TTC7B: variants seen among roughly 807,000 people sequenced by gnomAD.
The protein encoded by TTC7B is tetratricopeptide repeat protein 7B.
In TTC7B, 28 loss-of-function variants were observed where a neutral mutation model predicts 106.8. The observed-to-expected ratio is 0.26, with a 90% confidence interval of 0.19 to 0.36. The LOEUF (loss-of-function observed/expected upper bound fraction) is 0.36. TTC7B is among the 10% of genes least tolerant of loss of function. TTC7B has a pLI of 1.00. For missense variants in TTC7B, 862 were observed against 1,076.4 expected (o/e 0.80, Z 2.79); for synonymous variants, 405 against 430.6 (o/e 0.94, Z 0.74).
At chr14:90,814,615 T>G (rs8017072) in intron 1 of TTC7B, among the ~76,000 whole-genome samples, 48,770 of 151,980 alleles carry the variant, frequency 0.32, 8,261 homozygotes, top group Non-Finnish European at 0.36. Context: ...CATTTAATCC[T>G]AAAATCAACC....
chr14:90,616,393 A>G (rs1893074108), intron 16 of TTC7B, among the ~76,000 whole-genome samples: 1 of 152,254 alleles, frequency 6.6e-6, no homozygotes, highest in African/African-American at 2.4e-5. Context: ...TTGAGAACAT[A>G]TCCACAAAAG....
chr14:90,794,516 G>A (rs764080747), intron 1 of TTC7B, among the ~76,000 whole-genome samples: 18 of 152,010 alleles, frequency 1.2e-4, no homozygotes, highest in Admixed American at 2.0e-4. Flanking sequence ...ATGAGCCACC[G>A]CACCCAGCCC....
At chr14:90,679,985 A>G (rs1886988025) in intron 8 of TTC7B, among the ~76,000 whole-genome samples, 2 of 152,364 alleles carry the variant, frequency 1.3e-5, no homozygotes, top group African/African-American at 4.8e-5. Context: ...CAACAAGGGC[A>G]GGAGGATGAG....
intron 9 of TTC7B, among the ~76,000 whole-genome samples, chr14:90,669,655 G>A (rs996321541): frequency 3.3e-5 from 5 of 151,974 alleles, no homozygotes; most frequent in Admixed American, 1.3e-4. Flanking sequence ...ATATACAAAT[G>A]GCCAATAAGC....
chr14:90,609,373 C>T (rs890696557), intron 17 of TTC7B, among the ~76,000 whole-genome samples: 1 of 152,220 alleles, frequency 6.6e-6, no homozygotes, highest in African/African-American at 2.4e-5. Context: ...GATCTGATTT[C>T]TCAAGCTGAC....
At chr14:90,811,043 AG>A (rs1337713508) in intron 1 of TTC7B, among the ~76,000 whole-genome samples, 1 of 152,308 alleles carries the variant, frequency 6.6e-6, no homozygotes, top group African/African-American at 2.4e-5. Flanking sequence ...CGAGCTGCAC[AG>A]CCCCAGCCCC....
chr14:90,793,605 CTTTTTTTCTT>C (rs1055831706), intron 1 of TTC7B, among the ~76,000 whole-genome samples: 11 of 105,688 alleles, frequency 1.0e-4, no homozygotes, highest in South Asian at 8.9e-4. Flanking sequence ...TTGTTTTTTT[CTTTTTTTCTT>C]TTTTTTTTTT....
intron 5 of TTC7B, among the ~76,000 whole-genome samples, chr14:90,696,600 T>C (rs1887758951): frequency 1.3e-5 from 2 of 152,198 alleles, no homozygotes; most frequent in South Asian, 4.1e-4. Flanking sequence ...GTGGGTTCTG[T>C]AAGTTACAAG....
intron 19 of TTC7B, among the ~76,000 whole-genome samples, chr14:90,547,149 C>T (rs1222587821): frequency 6.6e-6 from 1 of 152,226 alleles, no homozygotes; most frequent in African/African-American, 2.4e-5. Flanking sequence ...TTATTAGTCC[C>T]TTTCTTCAGA....
chr14:90,755,689 A>C (rs907308279), intron 3 of TTC7B, among the ~76,000 whole-genome samples: 1 of 151,094 alleles, frequency 6.6e-6, no homozygotes, highest in Non-Finnish European at 1.5e-5. Context: ...ACAAACAAAA[A>C]AAAAAAACAA....
In TTC7B at chr14:90,570,183, G is replaced by T. The variant is rs1890976123; in HGVS notation, c.2310+7923C>A. ...TACAGCCTAGCAGGGCCTCCCTGAG[G>T]TCTGGCTTGTAATACACTGACATCC... On this transcript the variant is annotated intron_variant, in intron 19 of 19. Transcript: ENST00000328459. The surrounding 1 kb of genome is among the most constrained non-coding windows in gnomAD (Gnocchi z 4.0). 6.6e-6 allele frequency among the ~76,000 whole-genome samples: 1 copy of T among 152,200 alleles called. No individual in the cohort carries two copies. Among genetic ancestry groups the T allele is most frequent in the African/African-American group, 2.4e-5 (1 of 41,442 alleles).
Position 90,529,571 on chromosome 14 carries a change from C to A in TTC7B, c.*11797G>T, listed in dbSNP as rs1195237006. ...GAGTATGGATTCTGGAGTCAGGCAA[C>A]CTGGGTTCAAGGCCTGCTGTAGTAT... On this transcript the variant is annotated 3_prime_UTR_variant, in exon 20 of 20. Coordinates refer to ENST00000328459, the MANE Select transcript of TTC7B (RefSeq NM_001010854.2). 6.6e-6 allele frequency: 1 copy of A among 152,142 alleles called. No individual in the cohort carries two copies. Among genetic ancestry groups the A allele is most frequent in the African/African-American group, 2.4e-5 (1 of 41,424 alleles). The allele number at this position is 152,142 out of a possible 1,614,324, so 9.4% of individuals were successfully genotyped here.
intron 4 of TTC7B, among the ~76,000 whole-genome samples, chr14:90,736,263 T>A (rs965488689): frequency 1.3e-5 from 2 of 152,016 alleles, no homozygotes; most frequent in Non-Finnish European, 2.9e-5. Flanking sequence ...AGTGAAAAAA[T>A]TTTTGTTTTC....
At chr14:90,553,244 G>A (rs1437654685) in intron 19 of TTC7B, among the ~76,000 whole-genome samples, 1 of 152,252 alleles carries the variant, frequency 6.6e-6, no homozygotes, top group African/African-American at 2.4e-5. Flanking sequence ...GCGCTATCAT[G>A]GGGCCCCTTT....
chr14:90,785,624 G>A (rs10132942), intron 2 of TTC7B, among the ~76,000 whole-genome samples: 5 of 151,914 alleles, frequency 3.3e-5, no homozygotes, highest in Non-Finnish European at 5.9e-5. Flanking sequence ...TAATGAGACC[G>A]GAAAACAGAA....
intron 5 of TTC7B, among the ~76,000 whole-genome samples, chr14:90,726,064 C>T (rs539264678): frequency 1.9e-3 from 284 of 152,342 alleles, no homozygotes; most frequent in African/African-American, 5.8e-3. Flanking sequence ...TAGGATCGTA[C>T]CACTGCATTC....
chr14:90,654,182 G>T (rs1885849645), intron 12 of TTC7B, among the ~76,000 whole-genome samples: 1 of 152,182 alleles, frequency 6.6e-6, no homozygotes, highest in South Asian at 2.1e-4. Context: ...TTTGTGATTG[G>T]GAGGGGCACA....
chr14:90,701,511 A>AGCAAGG (rs1218028599), intron 5 of TTC7B, among the ~76,000 whole-genome samples: 1 of 151,890 alleles, frequency 6.6e-6, no homozygotes, highest in African/African-American at 2.4e-5. Context: ...AAGTGGCCAG[A>AGCAAGG]CTGCTCTGAC....
intron 1 of TTC7B, 144 bp from the exon 2 acceptor site, chr14:90,786,472 G>T: frequency 1.2e-6 from 1 of 819,312 alleles, no homozygotes; most frequent in Non-Finnish European, 1.9e-6. Context: ...CCTTCATAGG[G>T]TCTAAGTGGG....
Sources: allele counts gnomAD v4.1 joint callset (sites outside exome capture counted in the v4.1 genomes callset), GRCh38; gene constraint gnomAD v4.1.1; non-coding constraint Gnocchi (gnomAD v3.1); transcripts MANE v1.5; gene names NCBI Gene and HGNC (gene_info 2026-07-23, HGNC 2026-07-21).